Variants in MSRB3 observed in about 807,000 individuals in gnomAD.
MSRB3 encodes methionine-R-sulfoxide reductase B3.
Under a neutral mutation model 21.0 loss-of-function variants are expected in MSRB3, and 13 were observed. That is an observed-to-expected ratio of 0.62 (90% CI 0.40 to 0.98). The LOEUF (loss-of-function observed/expected upper bound fraction) is 0.98. Among genes scored for constraint, MSRB3 ranks in the 50% least tolerant of loss-of-function variants. MSRB3 has a pLI of 0.00. For missense variants in MSRB3, 199 were observed against 230.3 expected (o/e 0.86, Z 0.88); for synonymous variants, 87 against 88.6 (o/e 0.98, Z 0.10).
chr12:65,410,816 T>G (rs1029773463), intron 5 of MSRB3, among the ~76,000 whole-genome samples: 1 of 152,184 alleles, frequency 6.6e-6, no homozygotes, highest in Non-Finnish European at 1.5e-5. Flanking sequence ...TAGTAAACAC[T>G]CAATCATTTC....
chr12:65,347,776 T>C (rs995575020), intron 4 of MSRB3, among the ~76,000 whole-genome samples: 15 of 152,154 alleles, frequency 9.9e-5, no homozygotes, highest in Admixed American at 2.6e-4. Context: ...ACCTAATTTA[T>C]TGAGAGTTTT....
At chr12:65,409,833 A>G (rs1880624048) in intron 5 of MSRB3, among the ~76,000 whole-genome samples, 1 of 152,056 alleles carries the variant, frequency 6.6e-6, no homozygotes, top group African/African-American at 2.4e-5. Flanking sequence ...TTATATTCTG[A>G]TTTTTAAGAA....
At chr12:65,309,166 A>G (rs1259340048) in intron 2 of MSRB3, among the ~76,000 whole-genome samples, 2 of 152,250 alleles carry the variant, frequency 1.3e-5, no homozygotes, top group Non-Finnish European at 2.9e-5. Context: ...AACAGAACTA[A>G]TATAGCATGC....
At chr12:65,350,475 T>C (rs1198178813) in intron 4 of MSRB3, among the ~76,000 whole-genome samples, 4 of 150,962 alleles carry the variant, frequency 2.6e-5, no homozygotes, top group Admixed American at 1.3e-4. Flanking sequence ...TAACTTTAAA[T>C]GTAAATGGAC....
At chr12:65,408,300 G>T (rs1039125739) in intron 5 of MSRB3, among the ~76,000 whole-genome samples, 7 of 152,056 alleles carry the variant, frequency 4.6e-5, no homozygotes, top group African/African-American at 1.7e-4. Context: ...TCACCATATT[G>T]GCCAGGCTGG....
chr12:65,355,673 C>T (rs1877340508), intron 4 of MSRB3, among the ~76,000 whole-genome samples: 1 of 151,824 alleles, frequency 6.6e-6, no homozygotes, highest in African/African-American at 2.4e-5. Flanking sequence ...ATGGCAGTCG[C>T]ATGACTCATA....
At chr12:65,309,099 G>A (rs113086692) in intron 2 of MSRB3, 4,071 of 184,380 alleles carry the variant, frequency 0.022, 186 homozygotes, top group African/African-American at 0.09. Context: ...GCATGATTAA[G>A]TTACCAATTT....
chr12:65,425,245 C>T (rs563140139), intron 5 of MSRB3, among the ~76,000 whole-genome samples: 22 of 148,828 alleles, frequency 1.5e-4, no homozygotes, highest in Non-Finnish European at 3.0e-4. Flanking sequence ...TTATATGTGT[C>T]CTTATAGGTG....
At chr12:65,331,649 C>T (rs1258556493) in intron 4 of MSRB3, among the ~76,000 whole-genome samples, 3 of 152,196 alleles carry the variant, frequency 2.0e-5, no homozygotes, top group East Asian at 1.9e-4. Flanking sequence ...AGCTGCTAGC[C>T]GCTGGGTGCT....
chr12:65,417,200 C>T (rs1318408649), intron 5 of MSRB3, among the ~76,000 whole-genome samples: 1 of 151,966 alleles, frequency 6.6e-6, no homozygotes, highest in African/African-American at 2.4e-5. Flanking sequence ...AGATATTTGT[C>T]CTATAATACT....
intron 5 of MSRB3, among the ~76,000 whole-genome samples, chr12:65,418,131 T>G (rs747364914): frequency 2.6e-5 from 4 of 152,080 alleles, no homozygotes; most frequent in Non-Finnish European, 4.4e-5. Flanking sequence ...TGGGACGGAG[T>G]TTTGCTCTTG....
At chr12:65,336,021 T>C (rs964581772) in intron 4 of MSRB3, among the ~76,000 whole-genome samples, 1 of 152,198 alleles carries the variant, frequency 6.6e-6, no homozygotes, top group African/African-American at 2.4e-5. Flanking sequence ...AAGTAATATA[T>C]TATTTTGAAG....
At chr12:65,303,873 A>G (rs1873489183) in intron 1 of MSRB3, among the ~76,000 whole-genome samples, 1 of 152,138 alleles carries the variant, frequency 6.6e-6, no homozygotes, top group East Asian at 1.9e-4. Context: ...TGGAACGAAG[A>G]CATGGAGGTG....
At chr12:65,406,601 A>G (rs112328237) in intron 5 of MSRB3, among the ~76,000 whole-genome samples, 25 of 152,354 alleles carry the variant, frequency 1.6e-4, no homozygotes, top group African/African-American at 6.0e-4. Flanking sequence ...TAAAATTTAT[A>G]TGGAAGCACA....
chr12:65,453,856 A>G (rs965792888), intron 6 of MSRB3, 31 bp downstream of exon 6: 4 of 1,558,928 alleles, frequency 2.6e-6, no homozygotes, highest in Non-Finnish European at 3.5e-6. Flanking sequence ...AACCCAATAC[A>G]TTGCTTTCAG....
At chr12:65,302,889 GAAACTT>G (rs1398671381) in intron 1 of MSRB3, among the ~76,000 whole-genome samples, 1 of 152,046 alleles carries the variant, frequency 6.6e-6, no homozygotes, top group Non-Finnish European at 1.5e-5. Flanking sequence ...TAGCGACAAT[GAAACTT>G]CTCCCCCACA....
intron 4 of MSRB3, among the ~76,000 whole-genome samples, chr12:65,366,780 A>T (rs1256720390): frequency 6.6e-6 from 1 of 152,142 alleles, no homozygotes; most frequent in African/African-American, 2.4e-5. Context: ...TTTCATTTGG[A>T]TAGTTTGTTA....
At chr12:65,378,703 T>A (rs1476639934) in intron 5 of MSRB3, among the ~76,000 whole-genome samples, 2 of 152,220 alleles carry the variant, frequency 1.3e-5, no homozygotes, top group African/African-American at 4.8e-5. Flanking sequence ...CTCAGAAACC[T>A]AGATGTTTCA....
At chr12:65,395,552 T>C (rs1446836851) in intron 5 of MSRB3, among the ~76,000 whole-genome samples, 1 of 152,094 alleles carries the variant, frequency 6.6e-6, no homozygotes, top group Non-Finnish European at 1.5e-5. Context: ...ACAAAATCAA[T>C]TGTATTTCTG....
Sources: gnomAD v4.1 joint callset for allele counts (sites outside exome capture counted in the v4.1 genomes callset) on GRCh38, gnomAD v4.1.1 for gene constraint, MANE v1.5 for transcripts, NCBI Gene and HGNC (gene_info 2026-07-23, HGNC 2026-07-21) for gene names.